STRN: variants seen among roughly 807,000 people sequenced by gnomAD.
STRN encodes protein phosphatase 2 regulatory subunit B'''alpha.
A neutral mutation model predicts 96.3 loss-of-function variants in STRN; 53 were observed. The ratio of observed to expected loss-of-function variants is 0.55; its 90% CI spans 0.44 to 0.69. The LOEUF is 0.69. STRN is among the 30% of genes least tolerant of loss of function. The pLI, the probability that STRN is intolerant of heterozygous loss-of-function variation, is 0.00. For synonymous variants in STRN, 428 were observed against 355.9 expected (o/e 1.20, Z -2.28); for missense variants, 987 against 963.9 (o/e 1.02, Z -0.32).
Position 36,887,086 on chromosome 2 carries a change from C to T in STRN, c.932-260G>A, listed in dbSNP as rs13414846. 8.1e-3 allele frequency among the ~76,000 whole-genome samples: 1,076 copies of T among 132,916 alleles called. 17 individuals carry two copies. The highest frequency in any genetic ancestry group is 0.028 in the African/African-American group (1,020 of 36,864). 87.2% of individuals were successfully genotyped at this position (132,916 alleles called of 152,430 possible). A position where few individuals can be genotyped will look rare whatever the true frequency, so the allele number is the denominator to read the frequency against. On this transcript the variant is annotated intron_variant, in intron 7 of 17. Coordinates refer to ENST00000263918, the MANE Select transcript of STRN (RefSeq NM_003162.4). ...ACACACACACACACACACACACACACGGAAGATTTTAGTGATTTTTAGTAA... is the reference window on the plus strand; with the variant it reads ...ACACACACACACACACACACACACATGGAAGATTTTAGTGATTTTTAGTAA...
chr2:36,908,441 C>A (rs1669877430), intron 3 of STRN, among the ~76,000 whole-genome samples: 1 of 152,154 alleles, frequency 6.6e-6, no homozygotes, highest in South Asian at 2.1e-4. Flanking sequence ...AGGCTACAAT[C>A]TGTAAGATTC....
intron 1 of STRN, among the ~76,000 whole-genome samples, chr2:36,949,702 C>A (rs1274821375): frequency 2.0e-5 from 3 of 152,024 alleles, no homozygotes; most frequent in Non-Finnish European, 4.4e-5. Context: ...AAAGGGTAAA[C>A]TGGGGGCTAG....
At chr2:36,865,117 T>C (rs1243687719) in intron 12 of STRN, among the ~76,000 whole-genome samples, 1 of 152,244 alleles carries the variant, frequency 6.6e-6, no homozygotes, top group Non-Finnish European at 1.5e-5. Context: ...CCTGGGCTTT[T>C]TCTTGTTGGT....
rs527506677 is a variant in STRN, at chr2:36,841,914, T to C, written c.*7542A>G. The C allele has an allele frequency of 1.3e-5, 2 of 152,360 alleles. No individual in the cohort carries two copies. The highest frequency in any genetic ancestry group is 3.9e-4 in the East Asian group (2 of 5,190). 9.4% of individuals were successfully genotyped at this position (152,360 alleles called of 1,614,324 possible). A position where few individuals can be genotyped will look rare whatever the true frequency, so the allele number is the denominator to read the frequency against. ...ATTGAAGTTGAAATGGAAGACAATG[T>C]GGCTCAGGCCACAGGGTCAGTTGCT... On this transcript the variant is annotated 3_prime_UTR_variant, in exon 18 of 18. Transcript: ENST00000263918.
In STRN at chr2:36,882,696, G is replaced by C. The variant is rs141271837; in HGVS notation, c.1186+1236C>G. 2.1e-3 allele frequency among the ~76,000 whole-genome samples: 322 copies of C among 152,274 alleles called. 5 individuals carry two copies. Among genetic ancestry groups the C allele is most frequent in the African/African-American group, 7.4e-3 (309 of 41,546 alleles). ...AGGTGGAAGTATCACCTGAGCCTGA[G>C]AGGTCAAGGTTGTGGTGAGCTGTGA... On this transcript the variant is annotated intron_variant, in intron 9 of 17. Transcript: ENST00000263918.
Position 36,966,252 on chromosome 2 carries a change from T to C in STRN, c.212A>G (p.Glu71Gly). 6.3e-7 allele frequency: 1 copy of C among 1,580,186 alleles called. No individual in the cohort carries two copies. The highest frequency in any genetic ancestry group is 2.4e-5 in the East Asian group (1 of 40,824). The change falls in exon 1 of 18, where the codon GAG becomes GGG. Residue 71 changes from glutamate to glycine, a missense_variant. Coordinates refer to ENST00000263918, the MANE Select transcript of STRN (RefSeq NM_003162.4). ...TACCTGCAGCTCCGCCCGCTCCACC[T>C]CCCACTGGGCTCTCTCCACCTCGAA... Reference protein sequence around the residue: ...ARFEVERAQWEVERAELQAQI... With the variant: ...ARFEVERAQWGVERAELQAQI...
intron 1 of STRN, among the ~76,000 whole-genome samples, chr2:36,965,026 C>G (rs1241131385): frequency 6.6e-6 from 1 of 152,194 alleles, no homozygotes; most frequent in Non-Finnish European, 1.5e-5. Context: ...CTACTACAGC[C>G]TTGTGTGTTC....
intron 1 of STRN, among the ~76,000 whole-genome samples, chr2:36,947,221 T>C (rs1184008648): frequency 1.3e-5 from 2 of 152,114 alleles, no homozygotes; most frequent in Non-Finnish European, 2.9e-5. Context: ...TAAAAGTCAA[T>C]ATAAATAAAT....
intron 3 of STRN, among the ~76,000 whole-genome samples, chr2:36,915,244 T>TAC (rs2148217375): frequency 1.0e-5 from 1 of 99,278 alleles, no homozygotes; most frequent in East Asian, 5.3e-4. Context: ...TATATATATA[T>TAC]ATATATATAT....
At chr2:36,960,959 T>C (rs577648912) in intron 1 of STRN, among the ~76,000 whole-genome samples, 3 of 151,906 alleles carry the variant, frequency 2.0e-5, no homozygotes, top group Non-Finnish European at 2.9e-5. Context: ...TGCAGGGGCA[T>C]GATCATAACG....
intron 1 of STRN, among the ~76,000 whole-genome samples, chr2:36,960,044 G>C (rs552743123): frequency 6.6e-6 from 1 of 152,218 alleles, no homozygotes; most frequent in South Asian, 2.1e-4. Flanking sequence ...AAATTATCAA[G>C]AATATGAGTA....
At chr2:36,882,867 C>A (rs1022294522) in intron 9 of STRN, among the ~76,000 whole-genome samples, 8 of 152,164 alleles carry the variant, frequency 5.3e-5, no homozygotes, top group Non-Finnish European at 1.2e-4. Context: ...TAAATATGTA[C>A]TTCAAAATCA....
At position 36,838,391 on chromosome 2, in the gene STRN, C is replaced by G. The variant is rs1316293497; in HGVS notation, c.*11065G>C. ...AGCCCAGTTGAGTTTCCCTGGAGTT[C>G]TAACCTACAGAACTTTGAATAGATA... is the stretch of plus-strand genomic sequence containing the variant. On this transcript the variant is annotated 3_prime_UTR_variant, in exon 18 of 18. Coordinates refer to ENST00000263918, the MANE Select transcript of STRN (RefSeq NM_003162.4). 4.6e-5 allele frequency among the ~76,000 whole-genome samples: 7 copies of G among 152,256 alleles called. No homozygotes were observed. The East Asian group carries it at 1.2e-3, about 25-fold the overall frequency.
At chr2:36,876,970 G>A (rs935307196) in intron 10 of STRN, among the ~76,000 whole-genome samples, 6 of 152,010 alleles carry the variant, frequency 3.9e-5, no homozygotes, top group African/African-American at 9.7e-5. Flanking sequence ...GGATGGTCCC[G>A]ATCTCCTGAC....
At chr2:36,942,498 C>T (rs1035341316) in intron 1 of STRN, among the ~76,000 whole-genome samples, 4 of 152,094 alleles carry the variant, frequency 2.6e-5, no homozygotes, top group African/African-American at 9.7e-5. Context: ...CATTTGCCAG[C>T]GGTGCTCTTG....
chr2:36,906,463 CAATGAATG>C (rs77063437), intron 3 of STRN, among the ~76,000 whole-genome samples: 15 of 149,754 alleles, frequency 1.0e-4, no homozygotes, highest in African/African-American at 3.7e-4. Context: ...TGTCTCAAAA[CAATGAATG>C]AATGAATGAA....
At chr2:36,902,406 AAT>A (rs1428435663) in intron 5 of STRN, among the ~76,000 whole-genome samples, 176 bp downstream of exon 5, 3 of 152,206 alleles carry the variant, frequency 2.0e-5, no homozygotes, top group Admixed American at 6.5e-5. Flanking sequence ...CTTGAATTAA[AAT>A]AGTCATAAAT....
chr2:36,864,458 T>C (rs918323842), intron 12 of STRN, among the ~76,000 whole-genome samples: 5 of 152,218 alleles, frequency 3.3e-5, no homozygotes, highest in African/African-American at 1.2e-4. Flanking sequence ...GAACCACATT[T>C]ATTGATTTGT....
At chr2:36,959,238 C>A (rs1244814239) in intron 1 of STRN, among the ~76,000 whole-genome samples, 1 of 152,060 alleles carries the variant, frequency 6.6e-6, no homozygotes, top group Non-Finnish European at 1.5e-5. Context: ...ACAGTAAAAT[C>A]TTTATGCCTG....
Sources: gnomAD v4.1 joint callset for allele counts (sites outside exome capture counted in the v4.1 genomes callset) on GRCh38, gnomAD v4.1.1 for gene constraint, MANE v1.5 for transcripts, NCBI Gene and HGNC (gene_info 2026-07-23, HGNC 2026-07-21) for gene names.